The following TUB variants were observed in gnomAD, a reference collection of about 807,000 sequenced individuals.
TUB encodes tubby protein homolog.
Under a neutral mutation model 59.7 loss-of-function variants are expected in TUB, and 33 were observed. The observed-to-expected ratio is 0.55, with a 90% CI of 0.42 to 0.74. The LOEUF (loss-of-function observed/expected upper bound fraction) is 0.74. TUB is among the 30% of genes least tolerant of loss of function. The pLI, the probability that TUB is intolerant of heterozygous loss-of-function variation, is 0.00. For missense variants in TUB, 659 were observed against 672.0 expected (o/e 0.98, Z 0.21); for synonymous variants, 293 against 256.4 (o/e 1.14, Z -1.36).
Position 8,094,186 on chromosome 11 carries a change from A to G in TUB, c.394A>G (p.Lys132Glu), listed in dbSNP as rs1281715868. The G allele has an allele frequency of 1.9e-6, 3 of 1,611,748 alleles. No homozygotes were observed. The change falls in exon 4 of 12, where the codon AAA (lysine) becomes GAA (glutamate). Residue 132 changes from lysine (K) to glutamate (E), a missense_variant. Physicochemically the swap from Lys to Glu is moderately conservative, Grantham distance 56. Around this residue, in one of 3 missense-constraint regions of TUB, gnomAD observed 321 missense variants for 304.3 expected, o/e 1.05. Transcript: ENST00000299506. ...AARKEKKGKH[K>E]GTSGPAALAE... ...TAGGAAGGAGAAGAAGGGAAAGCAC[A>G]AAGGTCAGCTCACATTCTCTACAGC...
chr11:8,038,045 G>T (rs1227002283), upstream of TUB, among the ~76,000 whole-genome samples: 2 of 152,200 alleles, frequency 1.3e-5, no homozygotes, highest in African/African-American at 4.8e-5. Flanking sequence ...GTTGGTGGAG[G>T]AAGGTGGACA....
chr11:8,021,157 TTGTG>T (rs1554919115), intron 1 of TUB, among the ~76,000 whole-genome samples: 2 of 152,144 alleles, frequency 1.3e-5, no homozygotes, highest in Non-Finnish European at 1.5e-5. Context: ...TGGGGAAGTG[TTGTG>T]AGTATTAAAT....
rs554746375 is a variant in TUB at position 8,025,183 on chromosome 11, A to G, written c.56+5825A>G. Among the ~76,000 whole-genome samples the G allele has an allele frequency of 1.4e-4, 21 of 152,344 alleles. 1 individual carries two copies. The South Asian group carries it at 4.1e-3, about 30-fold the overall frequency. ...AATGTATCAGTGCTAAGAGGCTTAT[A>G]TAATATGATAAAGTGCAAAGCAGAA... On this transcript the variant is annotated intron_variant, in intron 1 of 11. Coordinates refer to the TUB transcript ENST00000534099.
chr11:8,023,428 T>A (rs1408791817), intron 1 of TUB, among the ~76,000 whole-genome samples: 1 of 152,224 alleles, frequency 6.6e-6, no homozygotes, highest in African/African-American at 2.4e-5. Flanking sequence ...TCTGAGCACA[T>A]GCCAAAGTGC....
chr11:8,030,192 A>C (rs1426722967), intron 1 of TUB, among the ~76,000 whole-genome samples: 1 of 152,186 alleles, frequency 6.6e-6, no homozygotes, highest in African/African-American at 2.4e-5. Flanking sequence ...GGTTTTCCAG[A>C]TAGGGTCACT....
chr11:8,080,761 A>T (rs1468814030), upstream of TUB, among the ~76,000 whole-genome samples: 2 of 152,184 alleles, frequency 1.3e-5, no homozygotes, highest in Non-Finnish European at 2.9e-5. Context: ...AGGGTTCCCC[A>T]GGCGGGGGTG....
intron 2 of TUB, among the ~76,000 whole-genome samples, chr11:8,041,926 C>T (rs1204596427): frequency 6.6e-6 from 1 of 152,170 alleles, no homozygotes; most frequent in African/African-American, 2.4e-5. Flanking sequence ...AGTCCTGTGA[C>T]CTGGGCCTGC....
At chr11:8,027,560 G>A (rs1277130109) in intron 1 of TUB, among the ~76,000 whole-genome samples, 2 of 152,030 alleles carry the variant, frequency 1.3e-5, no homozygotes, top group Non-Finnish European at 2.9e-5. Flanking sequence ...TGTCTCCCAG[G>A]CTGGAGGGCA....
At chr11:8,097,685 T>G (rs748377294) in intron 7 of TUB, 29 bp from the exon 8 acceptor site, 1 of 1,588,438 alleles carries the variant, frequency 6.3e-7, no homozygotes, top group South Asian at 1.1e-5. Flanking sequence ...AGGCTGAGTC[T>G]GGAATATGAC....
intron 1 of TUB, among the ~76,000 whole-genome samples, chr11:8,085,635 T>C (rs1334604800): frequency 2.0e-5 from 3 of 152,100 alleles, no homozygotes; most frequent in Admixed American, 6.5e-5. Context: ...GCTTCCACTG[T>C]GACTGAGGGG....
upstream of TUB, chr11:8,077,535 G>A (rs186227292): frequency 5.8e-4 from 89 of 152,278 alleles, no homozygotes; most frequent in South Asian, 3.5e-3. Flanking sequence ...CACAGTGCCC[G>A]GTCAATTGTA....
Position 8,086,952 on chromosome 11 carries a change from G to A in TUB, c.39-2658G>A, listed in dbSNP as rs542183531. 3.9e-5 allele frequency among the ~76,000 whole-genome samples: 6 copies of A among 152,300 alleles called. No homozygotes were observed. The South Asian group carries it at 1.2e-3, about 32-fold the overall frequency. ...ATCTTACCTAGTAATCAGGGTCACC[G>A]AAGCCTGTGGCTCTTTATCATTCTC... On this transcript the variant is annotated intron_variant, in intron 1 of 11. Coordinates refer to ENST00000299506, the MANE Select transcript of TUB (RefSeq NM_177972.3).
At chr11:8,029,417 C>A (rs374947602) in intron 1 of TUB, among the ~76,000 whole-genome samples, 2 of 135,298 alleles carry the variant, frequency 1.5e-5, no homozygotes, top group African/African-American at 2.9e-5. Flanking sequence ...GAGACAGAGT[C>A]TCGCTCTTTC....
At chr11:8,095,769 G>C (rs1015805956) in intron 5 of TUB, 104 bp downstream of exon 5, 2 of 1,250,174 alleles carry the variant, frequency 1.6e-6, no homozygotes, top group African/African-American at 3.0e-5. Flanking sequence ...ACCCCTCCCT[G>C]GCAATGGTGG....
chr11:8,024,837 TGA>T lies in TUB; in HGVS notation c.56+5481_56+5482del, dbSNP rs1160504977. Among the ~76,000 whole-genome samples, 5 of 152,342 alleles carry T rather than the reference TGA, an allele frequency of 3.3e-5. No homozygotes were observed. In the East Asian group the frequency reaches 9.7e-4, roughly 29 times the overall value. ...TGTTTTGCAATTATGTTTGTGTGTG[TGA>T]GTGTGACCTCTCAGACTCTGAGACA... On this transcript the variant is annotated intron_variant, in intron 1 of 11. Transcript: ENST00000534099.
At chr11:8,077,127 G>A (rs1014812395), upstream of TUB, 4 of 152,170 alleles carry the variant, frequency 2.6e-5, no homozygotes, top group African/African-American at 9.7e-5. Flanking sequence ...TAGCTGTCTA[G>A]CAGTTTGCCA....
intron 2 of TUB, among the ~76,000 whole-genome samples, chr11:8,050,730 C>T (rs986509840): frequency 1.3e-5 from 2 of 152,130 alleles, no homozygotes; most frequent in African/African-American, 2.4e-5. Flanking sequence ...TTCCCTTCAG[C>T]GAAGTCTGTC....
chr11:8,053,119 C>A (rs374118341), intron 2 of TUB, among the ~76,000 whole-genome samples: 10 of 152,228 alleles, frequency 6.6e-5, no homozygotes, highest in South Asian at 6.2e-4. Context: ...TTATCCAAGA[C>A]CTCTTTGGTA....
At chr11:8,052,401 G>A (rs191650586) in intron 2 of TUB, among the ~76,000 whole-genome samples, 7 of 151,674 alleles carry the variant, frequency 4.6e-5, no homozygotes, top group African/African-American at 1.7e-4. Flanking sequence ...CATGTATGTC[G>A]AAGGCATTTC....
Sources: allele counts gnomAD v4.1 joint callset (sites outside exome capture counted in the v4.1 genomes callset), GRCh38; gene constraint gnomAD v4.1.1; regional missense constraint gnomAD v4.1.1; transcripts MANE v1.5; gene names NCBI Gene and HGNC (gene_info 2026-07-23, HGNC 2026-07-21).